PDE4D: variants seen among roughly 807,000 people sequenced by gnomAD.
The protein encoded by PDE4D is phosphodiesterase 4D, also known as 3',5'-cyclic-AMP phosphodiesterase 4D.
A neutral mutation model predicts 87.4 loss-of-function variants in PDE4D; 24 were observed. The ratio of observed to expected loss-of-function variants is 0.27; its 90% CI spans 0.20 to 0.39. The LOEUF (loss-of-function observed/expected upper bound fraction) is 0.39, where lower values mean the gene tolerates loss of function less well. PDE4D is among the 10% of genes least tolerant of loss of function. The probability of loss-of-function intolerance (pLI) is 1.00; values close to 1 mark genes in which losing one functional copy is unlikely to be tolerated. For missense variants in PDE4D, 714 were observed against 1,041.0 expected, an observed-to-expected ratio of 0.69 and a Z score of 4.32; for synonymous variants, 384 against 383.2, an observed-to-expected ratio of 1.00 and a Z score of -0.02.
chr5:59,707,997 T>C (rs1753692192), intron 1 of PDE4D, among the ~76,000 whole-genome samples: 2 of 152,260 alleles, frequency 1.3e-5, no homozygotes, highest in South Asian at 4.1e-4. Context: ...TTGGGTCAAA[T>C]CCTATTTCTG....
chr5:59,702,270 C>G (rs1436077870), intron 1 of PDE4D, among the ~76,000 whole-genome samples: 6 of 151,938 alleles, frequency 3.9e-5, no homozygotes, highest in Non-Finnish European at 7.4e-5. Flanking sequence ...ACTACAGGTG[C>G]CCACCACCAC....
intron 2 of PDE4D, among the ~76,000 whole-genome samples, chr5:59,206,808 G>A (rs746428040): frequency 6.6e-6 from 1 of 152,098 alleles, no homozygotes; most frequent in Non-Finnish European, 1.5e-5. Context: ...AGAATGTGGT[G>A]GAAAACACGT....
At chr5:59,377,603 A>AT (rs1324584682) in intron 1 of PDE4D, among the ~76,000 whole-genome samples, 1 of 152,184 alleles carries the variant, frequency 6.6e-6, no homozygotes, top group African/African-American at 2.4e-5. Flanking sequence ...AATATCTAGC[A>AT]TCTATAAGGA....
intron 1 of PDE4D, among the ~76,000 whole-genome samples, chr5:60,473,329 TTGG>T (rs1362806772): frequency 6.6e-6 from 1 of 151,888 alleles, no homozygotes; most frequent in African/African-American, 2.4e-5. Flanking sequence ...CTCCTATATT[TTGG>T]GACAACTGGT....
At chr5:60,107,274 C>A (rs1024469781) in intron 2 of PDE4D, among the ~76,000 whole-genome samples, 1 of 152,092 alleles carries the variant, frequency 6.6e-6, no homozygotes, top group Non-Finnish European at 1.5e-5. Flanking sequence ...TGGATAAATT[C>A]CTGGACACAC....
rs1427551077 is a variant in PDE4D, at chr5:59,191,209, T to C, written c.684+2291A>G. On this transcript the variant is annotated intron_variant, in intron 3 of 14. Coordinates refer to ENST00000340635, the MANE Select transcript of PDE4D (RefSeq NM_001104631.2). ...ATTAGTTTTTTTTCCTTGGAGATTA[T>C]AGGTACACTACAGAAAATATCTAAT... 2.0e-5 allele frequency among the ~76,000 whole-genome samples: 3 copies of C among 152,290 alleles called. No homozygotes were observed. The East Asian group carries it at 5.8e-4, about 29-fold the overall frequency.
intron 3 of PDE4D, among the ~76,000 whole-genome samples, chr5:59,957,280 T>C (rs1449957456): frequency 6.6e-6 from 1 of 152,138 alleles, no homozygotes; most frequent in Non-Finnish European, 1.5e-5. Context: ...ATACTGAGTG[T>C]TGTCATATGA....
rs774432142 is a variant in PDE4D at position 58,990,918 on chromosome 5, A to C, written c.1189-16T>G. 3 of 1,349,978 alleles carry C rather than the reference A, an allele frequency of 2.2e-6. No homozygotes were observed. In the Admixed American group the frequency reaches 6.3e-5, roughly 28 times the overall value. 83.6% of individuals were successfully genotyped at this position (1,349,978 alleles called of 1,614,324 possible). A position where few individuals can be genotyped will look rare whatever the true frequency, so the allele number is the denominator to read the frequency against. On this transcript the variant is annotated splice_polypyrimidine_tract_variant and intron_variant, in intron 8 of 14. Transcript: ENST00000340635. ...CTTCTAGTTCCTGGAGTGAAAAAAA[A>C]AAAAAGATACTAAAATATTAGAAAG... is the stretch of plus-strand genomic sequence containing the variant.
intron 2 of PDE4D, among the ~76,000 whole-genome samples, chr5:60,004,600 C>CA (rs1252084293): frequency 6.6e-6 from 1 of 151,840 alleles, no homozygotes. Context: ...TCAAAATACA[C>CA]AAAAAAATCC....
chr5:60,317,698 C>T (rs557750699), intron 1 of PDE4D, among the ~76,000 whole-genome samples: 1 of 152,294 alleles, frequency 6.6e-6, no homozygotes, highest in East Asian at 1.9e-4. Flanking sequence ...TCTTTGTTCT[C>T]ATTGGTTTCA....
At chr5:60,445,196 A>C (rs1745549505) in intron 1 of PDE4D, among the ~76,000 whole-genome samples, 1 of 152,194 alleles carries the variant, frequency 6.6e-6, no homozygotes, top group African/African-American at 2.4e-5. Flanking sequence ...GGAGATGATG[A>C]AAGAAACTGC....
At chr5:59,386,108 C>T (rs1786926498) in intron 1 of PDE4D, among the ~76,000 whole-genome samples, 1 of 152,116 alleles carries the variant, frequency 6.6e-6, no homozygotes, top group South Asian at 2.1e-4. Context: ...CTTTTAAATT[C>T]CTCCATTTAA....
intron 1 of PDE4D, among the ~76,000 whole-genome samples, chr5:60,383,295 T>C (rs1225662259): frequency 1.3e-5 from 2 of 152,078 alleles, no homozygotes; most frequent in Non-Finnish European, 2.9e-5. Flanking sequence ...AAAAAAGAAA[T>C]GATAAGCCCT....
chr5:60,392,765 G>A (rs1406927620), intron 1 of PDE4D, among the ~76,000 whole-genome samples: 2 of 152,012 alleles, frequency 1.3e-5, no homozygotes, highest in African/African-American at 4.8e-5. Flanking sequence ...CTGACCTCTG[G>A]AAAGCCATTT....
chr5:59,876,863 A>T (rs188080692), intron 1 of PDE4D, among the ~76,000 whole-genome samples: 1 of 152,314 alleles, frequency 6.6e-6, no homozygotes, highest in Admixed American at 6.5e-5. Flanking sequence ...ACTGTTGCAT[A>T]CTTATCCTAA....
intron 1 of PDE4D, among the ~76,000 whole-genome samples, chr5:60,264,853 A>C (rs1046837621): frequency 1.3e-5 from 2 of 152,156 alleles, no homozygotes; most frequent in African/African-American, 4.8e-5. Flanking sequence ...AGGAGAAACT[A>C]TTTAGTGGAA....
intron 5 of PDE4D, among the ~76,000 whole-genome samples, chr5:59,159,126 TC>T (rs1780653022): frequency 6.6e-6 from 1 of 152,050 alleles, no homozygotes; most frequent in East Asian, 1.9e-4. Flanking sequence ...TCCTCTGAAT[TC>T]TTACGATACT....
rs545507114 is a variant in PDE4D at position 59,137,687 on chromosome 5, T to C, written c.808+42908A>G. ...GACTACAGGCGCCCGCCACCACGCG[T>C]GGCTAATTTTTTGTATTTTTAGTAG... On this transcript the variant is annotated intron_variant, in intron 5 of 14. Coordinates refer to ENST00000340635, the MANE Select transcript of PDE4D (RefSeq NM_001104631.2). 1.9e-3 allele frequency among the ~76,000 whole-genome samples: 286 copies of C among 152,140 alleles called. 1 individual carries two copies. Among genetic ancestry groups the C allele is most frequent in the African/African-American group, 6.6e-3 (272 of 41,526 alleles).
intron 1 of PDE4D, among the ~76,000 whole-genome samples, chr5:60,390,617 G>T (rs989928827): frequency 1.3e-4 from 19 of 149,380 alleles, no homozygotes; most frequent in Admixed American, 4.0e-4. Context: ...GAAATGGTCT[G>T]CTTTTTCTCT....
Sources: gnomAD v4.1 joint callset for allele counts (sites outside exome capture counted in the v4.1 genomes callset) on GRCh38, gnomAD v4.1.1 for gene constraint, MANE v1.5 for transcripts, NCBI Gene and HGNC (gene_info 2026-07-23, HGNC 2026-07-21) for gene names.